TNR: variants seen among roughly 807,000 people sequenced by gnomAD.
TNR encodes the protein tenascin R, also known as tenascin-R.
TNR carries 45 observed loss-of-function variants against 150.4 expected under a neutral mutation model. The observed-to-expected ratio is 0.30, with a 90% CI of 0.24 to 0.38. The LOEUF (loss-of-function observed/expected upper bound fraction) is 0.38, where lower values mean the gene tolerates loss of function less well. Ranked by LOEUF, TNR falls within the 10% of genes least tolerant of loss-of-function variation. TNR has a pLI of 1.00. For synonymous variants in TNR, 687 were observed against 678.4 expected (o/e 1.01, Z -0.20); for missense variants, 1,544 against 1,759.1 (o/e 0.88, Z 2.19).
At chr1:175,618,565 T>C (rs1302887245) in intron 1 of TNR, among the ~76,000 whole-genome samples, 1 of 152,176 alleles carries the variant, frequency 6.6e-6, no homozygotes, top group Non-Finnish European at 1.5e-5. Flanking sequence ...CTGGCTAAGA[T>C]GAAACCATTT....
At chr1:175,333,735 G>A (rs1056147913) in intron 20 of TNR, among the ~76,000 whole-genome samples, 1 of 152,184 alleles carries the variant, frequency 6.6e-6, no homozygotes, top group Non-Finnish European at 1.5e-5. Context: ...AAGTAAAATG[G>A]ACACTATGAT....
intron 2 of TNR, among the ~76,000 whole-genome samples, chr1:175,439,099 G>A (rs538854820): frequency 2.0e-4 from 30 of 152,292 alleles, no homozygotes; most frequent in African/African-American, 6.7e-4. Flanking sequence ...AAAGCTGGAG[G>A]CATCACGCTA....
At chr1:175,384,087 T>C (rs770720156) in intron 8 of TNR, among the ~76,000 whole-genome samples, 1 of 152,252 alleles carries the variant, frequency 6.6e-6, no homozygotes, top group Non-Finnish European at 1.5e-5. Flanking sequence ...AGAATTTGTT[T>C]TCCATCATGC....
intron 1 of TNR, among the ~76,000 whole-genome samples, chr1:175,739,272 T>G (rs1571807770): frequency 6.6e-6 from 1 of 152,172 alleles, no homozygotes; most frequent in East Asian, 1.9e-4. Context: ...GTGACCTACC[T>G]GGACACATTT....
intron 1 of TNR, among the ~76,000 whole-genome samples, chr1:175,712,962 G>A (rs1255616965): frequency 6.6e-6 from 1 of 152,180 alleles, no homozygotes; most frequent in African/African-American, 2.4e-5. Context: ...GATGTCTATA[G>A]GCTCCTGGCT....
chr1:175,530,471 A>T (rs1660019766), intron 1 of TNR, among the ~76,000 whole-genome samples: 1 of 152,184 alleles, frequency 6.6e-6, no homozygotes. Context: ...GCAGCTGCAA[A>T]ATTGAGTGCC....
chr1:175,639,075 G>C (rs1571702111), intron 1 of TNR, among the ~76,000 whole-genome samples: 1 of 152,064 alleles, frequency 6.6e-6, no homozygotes, highest in Non-Finnish European at 1.5e-5. Flanking sequence ...CACGCACCCT[G>C]CTCCAAGTAA....
intron 1 of TNR, among the ~76,000 whole-genome samples, chr1:175,713,349 C>T (rs187291217): frequency 6.6e-5 from 10 of 152,316 alleles, no homozygotes; most frequent in Non-Finnish European, 1.2e-4. Flanking sequence ...TTGCCCCTAT[C>T]CTTTTTTTCC....
intron 1 of TNR, among the ~76,000 whole-genome samples, chr1:175,532,824 C>T (rs1003024708): frequency 6.6e-6 from 1 of 152,128 alleles, no homozygotes; most frequent in Non-Finnish European, 1.5e-5. Flanking sequence ...TGGGCTTCTA[C>T]AAGGGTGCTT....
intron 1 of TNR, among the ~76,000 whole-genome samples, chr1:175,641,398 T>C (rs184208433): frequency 6.6e-6 from 1 of 152,296 alleles, no homozygotes; most frequent in Non-Finnish European, 1.5e-5. Context: ...TAAAAATAAA[T>C]GAGTTGTCTA....
chr1:175,582,209 C>A (rs548890751), intron 1 of TNR, among the ~76,000 whole-genome samples: 15 of 152,280 alleles, frequency 9.9e-5, no homozygotes, highest in African/African-American at 3.6e-4. Context: ...GCTAATTGCC[C>A]CAGGGCACCA....
intron 2 of TNR, among the ~76,000 whole-genome samples, chr1:175,501,358 C>A (rs1219997219): frequency 6.6e-6 from 1 of 152,180 alleles, no homozygotes; most frequent in Non-Finnish European, 1.5e-5. Context: ...TTGAGATCAG[C>A]CCCCTGCCAA....
chr1:175,661,459 T>C lies in TNR; in HGVS notation c.-165+81767A>G, dbSNP rs112951566. On this transcript the variant is annotated intron_variant, in intron 1 of 22. Transcript: ENST00000367674. ...TGGAGGAGCACTTCTGGCAGGAACATCAAGGAAGACTTGGCCGGGGCAATG... is the reference window on the plus strand; with the variant it reads ...TGGAGGAGCACTTCTGGCAGGAACACCAAGGAAGACTTGGCCGGGGCAATG... Among the ~76,000 whole-genome samples the C allele has an allele frequency of 2.4e-3, 370 of 152,214 alleles. 3 individuals carry two copies. Among genetic ancestry groups the C allele is most frequent in the African/African-American group, 8.6e-3 (358 of 41,520 alleles).
intron 14 of TNR, 25 bp from the exon 15 acceptor site, chr1:175,359,756 A>ACAG (rs760837035): frequency 1.3e-6 from 2 of 1,589,582 alleles, no homozygotes; most frequent in African/African-American, 2.7e-5. Context: ...ATTATCAGTT[A>ACAG]CAGATAAGAG....
chr1:175,666,587 C>G (rs1665537903), intron 1 of TNR, among the ~76,000 whole-genome samples: 1 of 152,242 alleles, frequency 6.6e-6, no homozygotes, highest in African/African-American at 2.4e-5. Context: ...CCAAGCCCGT[C>G]ATCAGTGAAG....
chr1:175,632,303 C>T (rs1449887551), intron 1 of TNR, among the ~76,000 whole-genome samples: 1 of 152,224 alleles, frequency 6.6e-6, no homozygotes, highest in Non-Finnish European at 1.5e-5. Flanking sequence ...GTTCCCAAGG[C>T]TCCCCCGTGC....
chr1:175,493,883 G>A (rs1658362458), intron 2 of TNR, among the ~76,000 whole-genome samples: 1 of 152,184 alleles, frequency 6.6e-6, no homozygotes, highest in African/African-American at 2.4e-5. Flanking sequence ...GTGTACTTGA[G>A]TCAGACACAT....
intron 1 of TNR, among the ~76,000 whole-genome samples, chr1:175,650,602 T>A (rs1323130447): frequency 6.6e-6 from 1 of 151,070 alleles, no homozygotes; most frequent in East Asian, 1.9e-4. Flanking sequence ...TACTAAACTT[T>A]CCCTACCTCC....
intron 2 of TNR, among the ~76,000 whole-genome samples, chr1:175,480,216 ACAGCTGCATAAAGTTGAGAAGG>A (rs1484379461): frequency 1.3e-5 from 2 of 152,012 alleles, no homozygotes; most frequent in African/African-American, 4.8e-5. Context: ...TCACTGCAGG[ACAGCTGCATAAAGTTGAGAAGG>A]CAGCACCAAC....
Sources: allele counts gnomAD v4.1 joint callset (sites outside exome capture counted in the v4.1 genomes callset), GRCh38; gene constraint gnomAD v4.1.1; transcripts MANE v1.5; gene names NCBI Gene and HGNC (gene_info 2026-07-23, HGNC 2026-07-21).